CRIM1: variants seen among roughly 807,000 people sequenced by gnomAD.
The protein encoded by CRIM1 is cysteine-rich motor neuron 1 protein.
CRIM1 carries 32 observed loss-of-function variants against 116.4 expected under a neutral mutation model. The ratio of observed to expected loss-of-function variants is 0.27; its 90% confidence interval spans 0.21 to 0.37. CRIM1 has a LOEUF of 0.37. Ranked by LOEUF, CRIM1 falls within the 10% of genes least tolerant of loss-of-function variation. CRIM1 has a pLI of 1.00. For missense variants in CRIM1, 1,331 were observed against 1,354.8 expected (o/e 0.98, Z 0.28); for synonymous variants, 590 against 509.2 (o/e 1.16, Z -2.13).
chr2:36,383,049 T>A (rs1303078421), intron 1 of CRIM1, among the ~76,000 whole-genome samples: 1 of 152,204 alleles, frequency 6.6e-6, no homozygotes, highest in Non-Finnish European at 1.5e-5. Context: ...TTGGATAGTG[T>A]TTTTGAGACT....
At chr2:36,521,688 C>G (rs1279353627) in intron 12 of CRIM1, among the ~76,000 whole-genome samples, 1 of 152,154 alleles carries the variant, frequency 6.6e-6, no homozygotes, top group Admixed American at 6.5e-5. Context: ...CCAGAAATCC[C>G]TTCGTTAGCC....
At chr2:36,520,736 T>C (rs1665331978) in intron 12 of CRIM1, among the ~76,000 whole-genome samples, 2 of 152,234 alleles carry the variant, frequency 1.3e-5, no homozygotes, top group Admixed American at 6.5e-5. Context: ...GTAACTGCCT[T>C]GGTCCTCAAA....
At chr2:36,433,924 A>G (rs1159307565) in intron 2 of CRIM1, among the ~76,000 whole-genome samples, 1 of 152,144 alleles carries the variant, frequency 6.6e-6, no homozygotes, top group Non-Finnish European at 1.5e-5. Context: ...CGGAGTCTTA[A>G]GATAGTGCTG....
chr2:36,510,259 T>C (rs1318499863), intron 9 of CRIM1, 120 bp downstream of exon 9: 1 of 901,156 alleles, frequency 1.1e-6, no homozygotes, highest in East Asian at 2.6e-5. Context: ...CCAGAATGTC[T>C]ATACTTGTTT....
At position 36,517,525 on chromosome 2, in the gene CRIM1, G is replaced by C. The variant is rs750649366; in HGVS notation, c.2189G>C (p.Cys730Ser). The C allele has an allele frequency of 1.2e-6, 2 of 1,613,666 alleles. No individual in the cohort carries two copies. Among genetic ancestry groups the C allele is most frequent in the Non-Finnish European group, 1.7e-6 (2 of 1,179,832 alleles). Reference protein sequence around the residue: ...CQNPSRTQDSCCPQCTDQPFR... With the variant: ...CQNPSRTQDSSCPQCTDQPFR... The stretch of plus-strand genomic sequence containing the variant: ...AACCCCTCACGCACCCAGGATTCCT[G>C]CTGCCCACAGTGTACAGGTAAGCGA... Residue 730 changes from cysteine (C) to serine (S), a missense_variant, in exon 12 of 17, where the codon TGC becomes TCC. By Grantham distance (112) the Cys-to-Ser change is moderately radical. Transcript: ENST00000280527.
At chr2:36,412,676 C>T (rs1673305314) in intron 2 of CRIM1, among the ~76,000 whole-genome samples, 1 of 151,610 alleles carries the variant, frequency 6.6e-6, no homozygotes, top group Non-Finnish European at 1.5e-5. Flanking sequence ...AAATAGTGGC[C>T]CATTTGCTAT....
intron 4 of CRIM1, among the ~76,000 whole-genome samples, chr2:36,464,258 A>G (rs1447856520): frequency 6.6e-6 from 1 of 152,236 alleles, no homozygotes; most frequent in African/African-American, 2.4e-5. Flanking sequence ...AGTCTGGTTA[A>G]GTAAGAAATG....
intron 12 of CRIM1, 59 bp downstream of exon 12, chr2:36,517,601 T>C: frequency 6.5e-7 from 1 of 1,538,472 alleles, no homozygotes; most frequent in Non-Finnish European, 8.9e-7. Flanking sequence ...CTGGGTGTTG[T>C]CATTCTGTGG....
chr2:36,356,677 C>T lies in CRIM1; in HGVS notation c.331+54C>T, dbSNP rs1263027457. ...CACCTGGCCTGCGCCGCCCCCTCGG[C>T]GCTGGTTGTGCCGAACAAAGTTTGG... On this transcript the variant is annotated intron_variant, in intron 1 of 16. Transcript: ENST00000280527. The surrounding 1 kb of genome is among the most constrained non-coding windows in gnomAD (Gnocchi z 4.3). 1.3e-6 allele frequency: 2 copies of T among 1,530,286 alleles called. No individual in the cohort carries two copies. The highest frequency in any genetic ancestry group is 1.8e-6 in the Non-Finnish European group (2 of 1,135,060). The allele number at this position is 1,530,286 out of a possible 1,614,324, so 94.8% of individuals were successfully genotyped here.
At chr2:36,534,094 G>C (rs1666314387) in intron 13 of CRIM1, among the ~76,000 whole-genome samples, 1 of 143,934 alleles carries the variant, frequency 6.9e-6, no homozygotes, top group African/African-American at 2.6e-5. Context: ...AGAGGGGAAA[G>C]GAAGGAAGGA....
At chr2:36,376,579 C>G (rs1670337334) in intron 1 of CRIM1, among the ~76,000 whole-genome samples, 1 of 152,120 alleles carries the variant, frequency 6.6e-6, no homozygotes, top group Non-Finnish European at 1.5e-5. Flanking sequence ...AGGTCGTAGA[C>G]TTGGAGGTTC....
intron 9 of CRIM1, among the ~76,000 whole-genome samples, chr2:36,511,093 C>T (rs1221582604): frequency 6.6e-6 from 1 of 152,042 alleles, no homozygotes; most frequent in South Asian, 2.1e-4. Context: ...AGGCATGCGC[C>T]ACCATGCCCA....
At chr2:36,511,643 G>C (rs1289975378) in intron 9 of CRIM1, among the ~76,000 whole-genome samples, 1 of 152,152 alleles carries the variant, frequency 6.6e-6, no homozygotes, top group Admixed American at 6.5e-5. Context: ...ATTCCTGTCA[G>C]CACATTCAGG....
At position 36,537,422 on chromosome 2, in the gene CRIM1, C is replaced by G; in HGVS notation, c.2499C>G (p.Asp833Glu). Residue 833 changes from aspartate (D) to glutamate (E), a missense_variant, in exon 14 of 17, where the codon GAC (aspartate) becomes GAG (glutamate). Around this residue, in one of 3 missense-constraint regions of CRIM1, gnomAD observed 358 missense variants for 436.1 expected, o/e 0.82. Transcript: ENST00000280527. ...CCTATGCCGACGAGGAGCGGTGGGA[C>G]CTTGACAGCTGCACCCACTGCTACT... ...GKAYADEERWDLDSCTHCYCL... is the reference protein window; with the variant it reads ...GKAYADEERWELDSCTHCYCL... The G allele has an allele frequency of 1.2e-6, 2 of 1,614,126 alleles. No individual in the cohort carries two copies. The highest frequency in any genetic ancestry group is 1.7e-6 in the Non-Finnish European group (2 of 1,180,008).
At chr2:36,454,827 C>A (rs934022103) in intron 4 of CRIM1, among the ~76,000 whole-genome samples, 1 of 152,000 alleles carries the variant, frequency 6.6e-6, no homozygotes, top group African/African-American at 2.4e-5. Flanking sequence ...TGTCTAGAGT[C>A]CCCCTCTACT....
rs374839318 is a variant in CRIM1 at position 36,550,066 on chromosome 2, T to TGTGTGTGTGTGCGC, written c.*1366_*1367insTGTGTGTGTGCGCG. 6.7e-6 allele frequency: 1 copy of TGTGTGTGTGTGCGC among 149,678 alleles called. No homozygotes were observed. Among genetic ancestry groups the TGTGTGTGTGTGCGC allele is most frequent in the African/African-American group, 2.5e-5 (1 of 39,902 alleles). The allele number at this position is 149,678 out of a possible 1,614,324, so 9.3% of individuals were successfully genotyped here. ...ATGTGTGTGTGTGTGTGTGTGTGTG[T>TGTGTGTGTGTGCGC]GCGCGCGCACGCACGCCTTGAGCAG... On this transcript the variant is annotated 3_prime_UTR_variant, in exon 17 of 17. Transcript: ENST00000280527.
chr2:36,419,279 T>G (rs978539761), intron 2 of CRIM1, among the ~76,000 whole-genome samples: 6 of 152,212 alleles, frequency 3.9e-5, no homozygotes, highest in African/African-American at 1.4e-4. Flanking sequence ...ATACATATAC[T>G]TTTGACAGTT....
At chr2:36,458,395 C>A (rs1220179777) in intron 4 of CRIM1, among the ~76,000 whole-genome samples, 2 of 152,110 alleles carry the variant, frequency 1.3e-5, no homozygotes, top group African/African-American at 4.8e-5. Flanking sequence ...CCAGGAATCT[C>A]CTGTAGGTTA....
chr2:36,441,254 T>G lies in CRIM1; in HGVS notation c.506-4T>G, dbSNP rs1253278250. Reference sequence around the variant, plus strand: ...ATAAGCTAAATTCTTTCTCTCCCTTTTAGAAGAGAAGCCAGATTGCTCCAA... The same window carrying G: ...ATAAGCTAAATTCTTTCTCTCCCTTGTAGAAGAGAAGCCAGATTGCTCCAA... On this transcript the variant is annotated splice_region_variant and splice_polypyrimidine_tract_variant and intron_variant, in intron 2 of 16. Coordinates refer to ENST00000280527, the MANE Select transcript of CRIM1 (RefSeq NM_016441.3). 6.2e-7 allele frequency: 1 copy of G among 1,614,176 alleles called. No homozygotes were observed. Among genetic ancestry groups the G allele is most frequent in the East Asian group, 2.2e-5 (1 of 44,874 alleles).
Sources: allele counts gnomAD v4.1 joint callset (sites outside exome capture counted in the v4.1 genomes callset), GRCh38; gene constraint gnomAD v4.1.1; regional missense constraint gnomAD v4.1.1; non-coding constraint Gnocchi (gnomAD v3.1); transcripts MANE v1.5; gene names NCBI Gene and HGNC (gene_info 2026-07-23, HGNC 2026-07-21).